IMMP2L: variants seen among roughly 807,000 people sequenced by gnomAD.
The protein encoded by IMMP2L is inner mitochondrial membrane peptidase subunit 2.
IMMP2L carries 18 observed loss-of-function variants against 19.3 expected under a neutral mutation model. The observed-to-expected ratio is 0.93, with a 90% CI of 0.64 to 1.38. The LOEUF is 1.38. IMMP2L is among the 40% of genes most tolerant of loss of function. The pLI is 0.00. For missense variants in IMMP2L, 233 were observed against 218.2 expected (o/e 1.07, Z -0.43); for synonymous variants, 76 against 73.0 (o/e 1.04, Z -0.21).
chr7:111,507,396 A>C (rs1352661693), intron 2 of IMMP2L, among the ~76,000 whole-genome samples: 1 of 152,150 alleles, frequency 6.6e-6, no homozygotes, highest in African/African-American at 2.4e-5. Context: ...CCTTAGCCAA[A>C]TCTATAAGAT....
chr7:111,372,594 G>T (rs867907993), intron 3 of IMMP2L, among the ~76,000 whole-genome samples: 76 of 151,962 alleles, frequency 5.0e-4, no homozygotes, highest in African/African-American at 1.7e-3. Flanking sequence ...ACTTGACTTT[G>T]TCACTTCTTC....
chr7:110,797,460 C>G (rs532866567), intron 5 of IMMP2L, among the ~76,000 whole-genome samples: 178 of 152,048 alleles, frequency 1.2e-3, no homozygotes, highest in Non-Finnish European at 1.9e-3. Flanking sequence ...ATCATCTTCC[C>G]TTCTCCCTGA....
intron 1 of IMMP2L, among the ~76,000 whole-genome samples, chr7:111,558,195 A>G (rs1048296620): frequency 6.6e-6 from 1 of 152,110 alleles, no homozygotes; most frequent in African/African-American, 2.4e-5. Flanking sequence ...AAATTCATGG[A>G]CTGAGCAAAA....
At chr7:111,502,734 G>A (rs1231474765) in intron 2 of IMMP2L, among the ~76,000 whole-genome samples, 77 of 150,878 alleles carry the variant, frequency 5.1e-4, no homozygotes, top group Non-Finnish European at 9.6e-4. Flanking sequence ...GGTACATAAC[G>A]AAATGAAGGC....
chr7:110,737,539 C>T (rs1796720651), intron 5 of IMMP2L, among the ~76,000 whole-genome samples: 1 of 152,182 alleles, frequency 6.6e-6, no homozygotes, highest in Non-Finnish European at 1.5e-5. Flanking sequence ...AGAGGTTGAG[C>T]TCAGACATGC....
In IMMP2L at chr7:110,803,363, T is replaced by C. The variant is rs1022420284; in HGVS notation, c.408+83230A>G. ...TCAAACTGCAGAACCTGGACTCAATTTGATCTGCCATAGAGAGACACTGAG... is the reference window on the plus strand; with the variant it reads ...TCAAACTGCAGAACCTGGACTCAATCTGATCTGCCATAGAGAGACACTGAG... On this transcript the variant is annotated intron_variant, in intron 5 of 5. Transcript: ENST00000405709. This position sits in a 1 kb window ranked among gnomAD's most constrained non-coding sequence, Gnocchi z 4.2. Among the ~76,000 whole-genome samples, 2 of 152,066 alleles carry C rather than the reference T, an allele frequency of 1.3e-5. No homozygotes were observed. Among genetic ancestry groups the C allele is most frequent in the African/African-American group, 4.8e-5 (2 of 41,434 alleles).
chr7:111,241,062 G>C (rs531811816), intron 3 of IMMP2L, among the ~76,000 whole-genome samples: 4 of 151,806 alleles, frequency 2.6e-5, no homozygotes, highest in African/African-American at 9.7e-5. Context: ...AAACCTTTAA[G>C]ATAACAGTAA....
intron 3 of IMMP2L, among the ~76,000 whole-genome samples, chr7:111,236,608 G>T (rs1239007110): frequency 6.6e-6 from 1 of 152,044 alleles, no homozygotes; most frequent in African/African-American, 2.4e-5. Flanking sequence ...TCAGCTGAGG[G>T]CTGTACGAGG....
At chr7:111,379,678 C>T (rs561881915) in intron 3 of IMMP2L, among the ~76,000 whole-genome samples, 29 of 151,680 alleles carry the variant, frequency 1.9e-4, no homozygotes, top group African/African-American at 4.8e-4. Flanking sequence ...TTTCAAGATC[C>T]GAAAATTCCA....
chr7:110,773,035 T>C (rs1799141470), intron 5 of IMMP2L, among the ~76,000 whole-genome samples: 1 of 152,104 alleles, frequency 6.6e-6, no homozygotes, highest in Admixed American at 6.6e-5. Context: ...AATTTAACTT[T>C]AAAGCATTGA....
At chr7:111,503,362 T>G (rs1031250321) in intron 2 of IMMP2L, among the ~76,000 whole-genome samples, 25 of 152,034 alleles carry the variant, frequency 1.6e-4, no homozygotes, top group African/African-American at 5.8e-4. Context: ...CAGGACCAGA[T>G]GGATTCACAG....
intron 3 of IMMP2L, among the ~76,000 whole-genome samples, chr7:111,280,032 T>A (rs568462751): frequency 6.6e-6 from 1 of 152,258 alleles, no homozygotes; most frequent in Admixed American, 6.5e-5. Flanking sequence ...GATTTATCTA[T>A]CTTTTAAAAA....
At chr7:111,128,107 T>A (rs1315069807) in intron 3 of IMMP2L, among the ~76,000 whole-genome samples, 1 of 152,144 alleles carries the variant, frequency 6.6e-6, no homozygotes, top group Non-Finnish European at 1.5e-5. Flanking sequence ...CAAAAAGTTT[T>A]TAAGTAAAAC....
chr7:111,169,315 GTAC>G (rs1217318422), intron 3 of IMMP2L, among the ~76,000 whole-genome samples: 2 of 151,722 alleles, frequency 1.3e-5, no homozygotes, highest in African/African-American at 4.8e-5. Context: ...CCTGAAATTT[GTAC>G]TGACTTAAGA....
At chr7:111,358,699 A>G (rs1828966984) in intron 3 of IMMP2L, among the ~76,000 whole-genome samples, 1 of 152,162 alleles carries the variant, frequency 6.6e-6, no homozygotes, top group South Asian at 2.1e-4. Flanking sequence ...CACTAAAAGT[A>G]AAGTCTTCCC....
chr7:110,983,152 T>C (rs1387158102), intron 3 of IMMP2L, among the ~76,000 whole-genome samples: 1 of 151,798 alleles, frequency 6.6e-6, no homozygotes, highest in Non-Finnish European at 1.5e-5. Flanking sequence ...TGAAGAGTTC[T>C]GTTATTAAAA....
intron 5 of IMMP2L, among the ~76,000 whole-genome samples, chr7:110,715,060 G>A (rs1481755012): frequency 1.3e-5 from 2 of 152,142 alleles, no homozygotes; most frequent in Admixed American, 1.3e-4. Context: ...TGTGCATATA[G>A]GTGTTCATAT....
intron 1 of IMMP2L, among the ~76,000 whole-genome samples, chr7:111,525,331 A>G (rs1846737243): frequency 6.6e-6 from 1 of 152,138 alleles, no homozygotes; most frequent in South Asian, 2.1e-4. Context: ...AGGAAGTGGA[A>G]GAGCACAGTG....
At chr7:111,381,595 CAAT>C (rs1177651238) in intron 3 of IMMP2L, among the ~76,000 whole-genome samples, 2 of 151,864 alleles carry the variant, frequency 1.3e-5, no homozygotes, top group Non-Finnish European at 2.9e-5. Context: ...AATACACTAA[CAAT>C]GATGAGAACA....
Sources: gnomAD v4.1 joint callset for allele counts (sites outside exome capture counted in the v4.1 genomes callset) on GRCh38, gnomAD v4.1.1 for gene constraint, Gnocchi (gnomAD v3.1) non-coding constraint, MANE v1.5 for transcripts, NCBI Gene and HGNC (gene_info 2026-07-23, HGNC 2026-07-21) for gene names.